The following BAZ1B variants were observed in gnomAD, a reference collection of about 807,000 sequenced individuals.
BAZ1B encodes bromodomain adjacent to zinc finger domain 1B.
BAZ1B carries 22 observed loss-of-function variants against 153.8 expected under a neutral mutation model. The observed-to-expected ratio is 0.14, with a 90% confidence interval of 0.10 to 0.20. The LOEUF is 0.20. Among genes scored for constraint, BAZ1B ranks in the 10% least tolerant of loss-of-function variants. The pLI is 1.00. For synonymous variants in BAZ1B, 676 were observed against 633.4 expected, an observed-to-expected ratio of 1.07 and a Z score of -1.01; for missense variants, 1,325 against 1,799.3, an observed-to-expected ratio of 0.74 and a Z score of 4.77.
rs369485488 is a variant in BAZ1B at position 73,447,303 on chromosome 7, C to T, written c.3805G>A (p.Glu1269Lys). 9 of 1,608,578 alleles carry T rather than the reference C, an allele frequency of 5.6e-6. No individual in the cohort carries two copies. The highest frequency in any genetic ancestry group is 7.7e-6 in the Non-Finnish European group (9 of 1,175,040). ...ACCTCATAATCTTCTTCCTCCTCCTCCTCTTCTTCCTCCTCCTCCTCTTCA... is the reference window on the plus strand; with the variant it reads ...ACCTCATAATCTTCTTCCTCCTCCTTCTCTTCTTCCTCCTCCTCCTCTTCA... Reference protein sequence around the residue: ...SDEEEEEEEEEEEEEDYEVAG... With the variant: ...SDEEEEEEEEKEEEEDYEVAG... Residue 1269 changes from glutamate to lysine, a missense_variant, in exon 16 of 20, where the codon GAG becomes AAG. By Grantham distance (56) the Glu-to-Lys change is moderately conservative. This residue lies in a region of BAZ1B where 271 missense variants were observed against 337.2 expected (regional missense o/e 0.80). Transcript: ENST00000339594.
At chr7:73,474,164 A>T (rs925558702) in intron 7 of BAZ1B, among the ~76,000 whole-genome samples, 1 of 152,326 alleles carries the variant, frequency 6.6e-6, no homozygotes, top group Admixed American at 6.5e-5. Flanking sequence ...TGACAAGCGT[A>T]TCAAGGCCAT....
intron 1 of BAZ1B, among the ~76,000 whole-genome samples, chr7:73,514,338 G>A (rs1039633718): frequency 1.2e-4 from 19 of 152,030 alleles, no homozygotes; most frequent in African/African-American, 3.9e-4. Flanking sequence ...CGAGACCAGC[G>A]TGGCCAACAT....
chr7:73,516,552 A>AG (rs1246126355), intron 1 of BAZ1B, among the ~76,000 whole-genome samples: 6 of 151,758 alleles, frequency 4.0e-5, no homozygotes, highest in Non-Finnish European at 8.8e-5. Context: ...TGGGAGGCCG[A>AG]GGGGGTGGAT....
intron 12 of BAZ1B, among the ~76,000 whole-genome samples, chr7:73,460,627 G>A (rs1788363857): frequency 6.6e-6 from 1 of 152,094 alleles, no homozygotes; most frequent in East Asian, 1.9e-4. Context: ...TGGGACCACA[G>A]GTACATGGCA....
intron 2 of BAZ1B, among the ~76,000 whole-genome samples, chr7:73,510,265 TA>T (rs1203585038): frequency 6.6e-6 from 1 of 151,742 alleles, no homozygotes; most frequent in Non-Finnish European, 1.5e-5. Context: ...CCATCTCTAC[TA>T]AAACTACAAA....
At chr7:73,452,539 T>C (rs552916736) in intron 13 of BAZ1B, among the ~76,000 whole-genome samples, 4 of 152,024 alleles carry the variant, frequency 2.6e-5, no homozygotes, top group Non-Finnish European at 5.9e-5. Flanking sequence ...CTGGCCAATA[T>C]GGTGAAACCT....
At chr7:73,445,177 C>T (rs1199755149) in intron 16 of BAZ1B, among the ~76,000 whole-genome samples, 4 of 152,294 alleles carry the variant, frequency 2.6e-5, no homozygotes, top group Admixed American at 2.6e-4. Flanking sequence ...ACCACCTTCC[C>T]TTGGGGAGTG....
At chr7:73,511,880 A>G (rs1790593516) in intron 1 of BAZ1B, among the ~76,000 whole-genome samples, 1 of 151,146 alleles carries the variant, frequency 6.6e-6, no homozygotes, top group Non-Finnish European at 1.5e-5. Context: ...AAAAAAAAAA[A>G]ATTAGCCGGG....
chr7:73,444,058 C>T lies in BAZ1B; in HGVS notation c.3916G>A (p.Gly1306Ser), dbSNP rs1554565734. 2 of 1,613,620 alleles carry T rather than the reference C, an allele frequency of 1.2e-6. No individual in the cohort carries two copies. Among genetic ancestry groups the T allele is most frequent in the African/African-American group, 1.3e-5 (1 of 75,022 alleles). ...CTCCTGGTAGAGTGTGGCTTCTTACCCGGGCGCCGGCCTGACCTTGCTGCA... is the reference window on the plus strand; with the variant it reads ...CTCCTGGTAGAGTGTGGCTTCTTACTCGGGCGCCGGCCTGACCTTGCTGCA... ...PPAARSGRRP[G>S]KKPHSTRRSQ... The change falls in exon 17 of 20, where the codon GGT becomes AGT. Residue 1306 changes from glycine (G) to serine (S), a missense_variant. Gly to Ser is a moderately conservative substitution (Grantham distance 56, BLOSUM62 0). This residue lies in a region of BAZ1B where 271 missense variants were observed against 337.2 expected (regional missense o/e 0.80). Transcript: ENST00000339594.
At chr7:73,506,575 C>T (rs1330608903) in intron 3 of BAZ1B, among the ~76,000 whole-genome samples, 3 of 151,228 alleles carry the variant, frequency 2.0e-5, no homozygotes, top group Admixed American at 2.0e-4. Context: ...TGTCTGAGGC[C>T]GGGCGCAGTG....
chr7:73,521,389 G>A (rs1373481336), intron 1 of BAZ1B, among the ~76,000 whole-genome samples: 8 of 152,072 alleles, frequency 5.3e-5, no homozygotes, highest in African/African-American at 1.9e-4. Flanking sequence ...GGCCGCGCGA[G>A]TACAATTTCA....
intron 3 of BAZ1B, among the ~76,000 whole-genome samples, chr7:73,503,201 A>G (rs782687004): frequency 1.6e-4 from 25 of 152,204 alleles, no homozygotes; most frequent in Admixed American, 2.6e-4. Flanking sequence ...TGCTATTTAC[A>G]CTATAAGCAA....
intron 15 of BAZ1B, 110 bp from the exon 16 acceptor site, chr7:73,447,489 T>C: frequency 7.6e-7 from 1 of 1,308,618 alleles, no homozygotes; most frequent in Middle Eastern, 2.1e-4. Context: ...ACTACATATG[T>C]ATAACGTATG....
At chr7:73,460,890 T>G (rs1788370704) in intron 12 of BAZ1B, among the ~76,000 whole-genome samples, 1 of 151,632 alleles carries the variant, frequency 6.6e-6, no homozygotes, top group Non-Finnish European at 1.5e-5. Context: ...TTGAGGCTGC[T>G]GTCAGCTATG....
rs782431200 is a variant in BAZ1B at position 73,442,840 on chromosome 7, GA to G, written c.3991-13del. 1.2e-6 allele frequency: 2 copies of G among 1,600,870 alleles called. No homozygotes were observed. The highest frequency in any genetic ancestry group is 1.1e-5 in the South Asian group (1 of 90,704). ...TTGGTCTGAAGCACCTGGCAGGAAA[GA>G]AAGAACAATGTTATTACAGATTCAA... On this transcript the variant is annotated splice_polypyrimidine_tract_variant and intron_variant, in intron 17 of 19. Coordinates refer to ENST00000339594, the MANE Select transcript of BAZ1B (RefSeq NM_032408.4).
chr7:73,513,931 AT>A (rs782813546), intron 1 of BAZ1B, among the ~76,000 whole-genome samples: 7 of 152,192 alleles, frequency 4.6e-5, no homozygotes, highest in African/African-American at 7.2e-5. Flanking sequence ...ATTAACAAAT[AT>A]GTCTTAAAGA....
chr7:73,459,673 C>A lies in BAZ1B; in HGVS notation c.3295G>T (p.Ala1099Ser). The A allele has an allele frequency of 6.2e-7, 1 of 1,612,770 alleles. No homozygotes were observed. Among genetic ancestry groups the A allele is most frequent in the Non-Finnish European group, 8.5e-7 (1 of 1,179,646 alleles). ...KLKDFGECVI[A>S]LQASVIKKFL... ...TTCTTTATGACACTGGCCTGAAGGG[C>A]AATCACACACTCACCAAAATCCTTC... is the stretch of plus-strand genomic sequence containing the variant. Residue 1099 changes from alanine to serine, a missense_variant, in exon 13 of 20, where the codon GCC becomes TCC. By Grantham distance (99) the Ala-to-Ser change is moderately conservative. Transcript: ENST00000339594.
At position 73,498,573 on chromosome 7, in the gene BAZ1B, G is replaced by A; in HGVS notation, c.495C>T (p.Asn165=). Residue 165 remains asparagine (N), a synonymous_variant, in exon 4 of 20, where the codon AAC becomes AAT. Transcript: ENST00000339594. ...ACDSPSSDKE[N]SSQIAQDHQK... ...GATGGTCCTGAGCAATCTGACTGGA[G>A]TTCTCTTTGTCACTTGATGGAGAAT... 7 of 1,614,056 alleles carry A rather than the reference G, an allele frequency of 4.3e-6. No individual in the cohort carries two copies. Among genetic ancestry groups the A allele is most frequent in the Non-Finnish European group, 5.9e-6 (7 of 1,180,000 alleles).
chr7:73,493,811 A>G (rs1429047414), intron 4 of BAZ1B, among the ~76,000 whole-genome samples: 3 of 149,774 alleles, frequency 2.0e-5, no homozygotes, highest in South Asian at 2.1e-4. Flanking sequence ...TGCACTCCAC[A>G]CTAAGAGACA....
Sources: allele counts gnomAD v4.1 joint callset (sites outside exome capture counted in the v4.1 genomes callset), GRCh38; gene constraint gnomAD v4.1.1; regional missense constraint gnomAD v4.1.1; transcripts MANE v1.5; gene names NCBI Gene and HGNC (gene_info 2026-07-23, HGNC 2026-07-21).